PTCHD1: variants seen among roughly 807,000 people sequenced by gnomAD.
The protein encoded by PTCHD1 is patched domain containing 1, also known as patched domain-containing protein 1.
A neutral mutation model predicts 34.6 loss-of-function variants in PTCHD1; 3 were observed. The observed-to-expected ratio is 0.09, with a 90% CI of 0.04 to 0.22. PTCHD1 has a LOEUF of 0.22. Ranked by LOEUF, PTCHD1 falls within the 10% of genes least tolerant of loss-of-function variation. The pLI is 1.00. For missense variants in PTCHD1, 504 were observed against 685.5 expected (o/e 0.74, Z 2.96); for synonymous variants, 305 against 283.1 (o/e 1.08, Z -0.77).
rs1286983570 is a variant in PTCHD1 at position 23,392,747 on chromosome X, T to G, written c.1229T>G (p.Ile410Ser). 1 of 1,210,177 alleles carries G rather than the reference T, an allele frequency of 8.3e-7. No individual in the cohort carries two copies. The highest frequency in any genetic ancestry group is 1.7e-5 in the African/African-American group (1 of 57,394). ...RIFCCNSCIA[I>S]FFNYLYVLSF... is the part of the protein sequence containing the mutation. Reference sequence around the variant, plus strand: ...TTCTGCTGCAATTCCTGTATTGCAATCTTCTTCAACTACCTCTATGTACTC... The same window carrying G: ...TTCTGCTGCAATTCCTGTATTGCAAGCTTCTTCAACTACCTCTATGTACTC... The change falls in exon 3 of 3, where the codon ATC (isoleucine) becomes AGC (serine). Residue 410 changes from isoleucine to serine, a missense_variant. Physicochemically the swap from Ile to Ser is moderately radical, Grantham distance 142 (BLOSUM62 -2). Transcript: ENST00000379361.
Position 23,334,994 on chromosome X carries a change from G to T in PTCHD1, c.119G>T (p.Gly40Val). The T allele has an allele frequency of 8.3e-7, 1 of 1,210,679 alleles. No individual in the cohort carries two copies. The highest frequency in any genetic ancestry group is 1.1e-6 in the Non-Finnish European group (1 of 894,991). Residue 40 changes from glycine to valine, a missense_variant, in exon 1 of 3, where the codon GGC becomes GTC. Gly to Val is a moderately radical substitution (Grantham distance 109). Coordinates refer to ENST00000379361, the MANE Select transcript of PTCHD1 (RefSeq NM_173495.3). ...SAPVLISILL[G>V]ASFSRYQVEE... is the part of the protein sequence containing the mutation. ...CCGGTGCTCATCTCCATCCTGCTCG[G>T]CGCCAGCTTCAGCCGCTACCAGGTC...
intron 1 of PTCHD1, among the ~76,000 whole-genome samples, chrX:23,344,200 G>T (rs1921415274): frequency 8.9e-6 from 1 of 112,200 alleles, no homozygotes; most frequent in African/African-American, 3.2e-5. Flanking sequence ...AATCAGGAAA[G>T]CCAAGTTCAA....
intron 1 of PTCHD1, among the ~76,000 whole-genome samples, chrX:23,355,853 T>G: frequency 8.9e-6 from 1 of 112,596 alleles, no homozygotes; most frequent in Middle Eastern, 4.6e-3. Flanking sequence ...ATGCATATAT[T>G]AATATCTGCC....
chrX:23,401,022 A>ATT lies in PTCHD1; in HGVS notation c.*6838_*6839dup, dbSNP rs1923107070. On this transcript the variant is annotated 3_prime_UTR_variant, in exon 3 of 3. Coordinates refer to ENST00000379361, the MANE Select transcript of PTCHD1 (RefSeq NM_173495.3). ...AGGTGCCCGCCACCGCGCCCGGCTA[A>ATT]TTGTGTGTGTGTGTGTGTGTGTGTG... 1 of 73,664 alleles carries ATT rather than the reference A, an allele frequency of 1.4e-5. No homozygotes were observed. Among genetic ancestry groups the ATT allele is most frequent in the African/African-American group, 6.7e-5 (1 of 14,936 alleles). 6.1% of individuals were successfully genotyped at this position (73,664 alleles called of 1,213,427 possible).
At position 23,402,682 on chromosome X, in the gene PTCHD1, C is replaced by A. The variant is rs765538782; in HGVS notation, c.*8497C>A. 2.7e-5 allele frequency: 3 copies of A among 112,169 alleles called. No homozygotes were observed. Among genetic ancestry groups the A allele is most frequent in the African/African-American group, 6.5e-5 (2 of 30,915 alleles). The allele number at this position is 112,169 out of a possible 1,213,427, so 9.2% of individuals were successfully genotyped here. The stretch of plus-strand genomic sequence containing the variant: ...CCCACTATTTGTTGTGGTTTACAAT[C>A]CAGCTTAGAACCCTTGAGCAAAATT... On this transcript the variant is annotated 3_prime_UTR_variant, in exon 3 of 3. Transcript: ENST00000379361.
chrX:23,389,497 TG>T (rs767338068), intron 2 of PTCHD1, among the ~76,000 whole-genome samples: 4 of 111,858 alleles, frequency 3.6e-5, no homozygotes, highest in Non-Finnish European at 7.5e-5. Context: ...AAAGGGCTCT[TG>T]TAAGATGCTG....
intron 1 of PTCHD1, 82 bp downstream of exon 1, chrX:23,335,308 A>C (rs1921137827): frequency 1.2e-6 from 1 of 809,738 alleles, no homozygotes; most frequent in Non-Finnish European, 1.8e-6. Flanking sequence ...CCCGGCTGAG[A>C]GCGCCACCTC....
At chrX:23,372,391 C>A (rs1490085858) in intron 1 of PTCHD1, among the ~76,000 whole-genome samples, 1 of 110,512 alleles carries the variant, frequency 9.0e-6, no homozygotes, top group Non-Finnish European at 1.9e-5. Context: ...ATGTCAGGCG[C>A]CAAAGTCAAT....
At chrX:23,355,899 T>G (rs1434807776) in intron 1 of PTCHD1, among the ~76,000 whole-genome samples, 2 of 112,738 alleles carry the variant, frequency 1.8e-5, no homozygotes, top group Admixed American at 1.9e-4. Flanking sequence ...GGAAAAGCGT[T>G]GCTATACTTT....
At chrX:23,388,314 T>C (rs761572904) in intron 2 of PTCHD1, among the ~76,000 whole-genome samples, 1 of 112,310 alleles carries the variant, frequency 8.9e-6, no homozygotes, top group South Asian at 3.7e-4. Flanking sequence ...ACTGGTCAGA[T>C]TTAACAGAGA....
intron 1 of PTCHD1, among the ~76,000 whole-genome samples, chrX:23,357,797 C>A (rs1921848624): frequency 9.0e-6 from 1 of 111,372 alleles, no homozygotes; most frequent in Non-Finnish European, 1.9e-5. Context: ...TCTCCCAGTG[C>A]CATCCCTCCC....
intron 1 of PTCHD1, among the ~76,000 whole-genome samples, chrX:23,375,287 C>CTTT (rs72075900): frequency 0.014 from 1,134 of 83,657 alleles, 49 homozygotes; most frequent in African/African-American, 0.044. Context: ...GCTGACAATT[C>CTTT]TTTTTTTTTT....
chrX:23,336,985 C>G (rs1355605794), intron 1 of PTCHD1, among the ~76,000 whole-genome samples: 1 of 111,185 alleles, frequency 9.0e-6, no homozygotes, highest in African/African-American at 3.3e-5. Context: ...CCCCCACCCA[C>G]AAACCATCAC....
At position 23,396,839 on chromosome X, in the gene PTCHD1, AATT is replaced by A. The variant is rs1923002226; in HGVS notation, c.*2661_*2663del. 2 of 112,366 alleles carry A rather than the reference AATT, an allele frequency of 1.8e-5. No homozygotes were observed. Among genetic ancestry groups the A allele is most frequent in the African/African-American group, 3.2e-5 (1 of 30,825 alleles). 9.3% of individuals were successfully genotyped at this position (112,366 alleles called of 1,213,427 possible). A position where few individuals can be genotyped will look rare whatever the true frequency, so the allele number is the denominator to read the frequency against. On this transcript the variant is annotated 3_prime_UTR_variant, in exon 3 of 3. Transcript: ENST00000379361. ...CAAGATTTATTATTTATTGTTAGAT[AATT>A]ATTATTTATTTGTTAATACTGATTA...
chrX:23,381,843 C>A (rs140462196), intron 2 of PTCHD1, among the ~76,000 whole-genome samples: 1 of 111,695 alleles, frequency 9.0e-6, no homozygotes, highest in East Asian at 2.8e-4. Context: ...ACCCCAAGAC[C>A]GTGTGGGTTG....
At chrX:23,389,176 G>A (rs112761899) in intron 2 of PTCHD1, among the ~76,000 whole-genome samples, 3 of 112,020 alleles carry the variant, frequency 2.7e-5, no homozygotes, top group African/African-American at 9.7e-5. Context: ...AGTTCCAAGG[G>A]GAACTCGGAT....
chrX:23,400,458 CAG>C lies in PTCHD1; in HGVS notation c.*6276_*6277del, dbSNP rs781417162. On this transcript the variant is annotated 3_prime_UTR_variant, in exon 3 of 3. Coordinates refer to ENST00000379361, the MANE Select transcript of PTCHD1 (RefSeq NM_173495.3). ...TCACCACTGCCCTCCAGACTGGCAA[CAG>C]AGTGAGACTTCGTCTCAAAAAAATA... The C allele has an allele frequency of 8.9e-6, 1 of 112,800 alleles. No individual in the cohort carries two copies. Among genetic ancestry groups the C allele is most frequent in the Admixed American group, 9.3e-5 (1 of 10,753 alleles). 9.3% of individuals were successfully genotyped at this position (112,800 alleles called of 1,213,427 possible). A position where few individuals can be genotyped will look rare whatever the true frequency, so the allele number is the denominator to read the frequency against.
At chrX:23,382,406 CT>C (rs1339432731) in intron 2 of PTCHD1, among the ~76,000 whole-genome samples, 1 of 112,476 alleles carries the variant, frequency 8.9e-6, no homozygotes, top group African/African-American at 3.2e-5. Flanking sequence ...TTAAAACTTA[CT>C]TTTTTGTACT....
intron 1 of PTCHD1, among the ~76,000 whole-genome samples, chrX:23,365,749 G>T (rs1922123478): frequency 8.9e-6 from 1 of 111,893 alleles, no homozygotes; most frequent in African/African-American, 3.3e-5. Flanking sequence ...TGGTGAAGTG[G>T]GCTCTGTGAC....
Sources: allele counts gnomAD v4.1 joint callset (sites outside exome capture counted in the v4.1 genomes callset), GRCh38; gene constraint gnomAD v4.1.1; transcripts MANE v1.5; gene names NCBI Gene and HGNC (gene_info 2026-07-23, HGNC 2026-07-21).